The following MAF variants were observed in gnomAD, a reference collection of about 807,000 sequenced individuals.
MAF encodes the protein MAF bZIP transcription factor.
MAF carries 10 observed loss-of-function variants against 22.0 expected under a neutral mutation model. The ratio of observed to expected loss-of-function variants is 0.45; its 90% CI spans 0.28 to 0.77. The LOEUF (loss-of-function observed/expected upper bound fraction) is 0.77. Ranked by LOEUF, MAF falls within the 30% of genes least tolerant of loss-of-function variation. The pLI, the probability that MAF is intolerant of heterozygous loss-of-function variation, is 0.12. For missense variants in MAF, 544 were observed against 548.4 expected, an observed-to-expected ratio of 0.99 and a Z score of 0.08; for synonymous variants, 337 against 255.8, an observed-to-expected ratio of 1.32 and a Z score of -3.03.
downstream of MAF, among the ~76,000 whole-genome samples, chr16:79,591,698 C>T (rs1597838457): frequency 6.6e-6 from 1 of 152,166 alleles, no homozygotes; most frequent in East Asian, 1.9e-4. Flanking sequence ...CCCATCTCAG[C>T]CTTTTTCCTT....
the MAF span, among the ~76,000 whole-genome samples, chr16:79,222,776 G>C: frequency 2.0e-5 from 3 of 152,054 alleles, no homozygotes; most frequent in Non-Finnish European, 4.4e-5. Flanking sequence ...AGACAAAGAA[G>C]GGCATTACAT....
At chr16:79,240,948 G>T in the MAF span, among the ~76,000 whole-genome samples, 1 of 152,016 alleles carries the variant, frequency 6.6e-6, no homozygotes, top group Non-Finnish European at 1.5e-5. Context: ...ACCTGGAGGG[G>T]CCTTACCGAT....
chr16:79,313,663 C>T, the MAF span, among the ~76,000 whole-genome samples: 11 of 152,148 alleles, frequency 7.2e-5, no homozygotes, highest in African/African-American at 2.7e-4. Flanking sequence ...CCCCCAAGGC[C>T]TTGGGTGAGG....
At chr16:79,539,359 C>T in the MAF span, among the ~76,000 whole-genome samples, 6 of 152,198 alleles carry the variant, frequency 3.9e-5, no homozygotes, top group Admixed American at 2.6e-4. Flanking sequence ...AGAAATTGGC[C>T]GGGCTTGGTG....
the MAF span, among the ~76,000 whole-genome samples, chr16:79,214,202 T>A: frequency 6.6e-6 from 1 of 152,154 alleles, no homozygotes; most frequent in Non-Finnish European, 1.5e-5. Flanking sequence ...TTGTACACAT[T>A]ATGTGTCTAT....
the MAF span, among the ~76,000 whole-genome samples, chr16:79,469,989 A>G: frequency 6.6e-6 from 1 of 152,234 alleles, no homozygotes; most frequent in Non-Finnish European, 1.5e-5. Flanking sequence ...TAGAAAAGTG[A>G]ATAAGGATGG....
At chr16:79,253,764 C>A in the MAF span, among the ~76,000 whole-genome samples, 1 of 152,138 alleles carries the variant, frequency 6.6e-6, no homozygotes, top group Non-Finnish European at 1.5e-5. Flanking sequence ...AGCTCCTTCC[C>A]GTCTGCGAGG....
the MAF span, among the ~76,000 whole-genome samples, chr16:79,219,380 C>G: frequency 3.6e-4 from 54 of 152,050 alleles, no homozygotes; most frequent in South Asian, 0.011. Flanking sequence ...TCATTTAAGA[C>G]TCACAGCTTT....
the MAF span, among the ~76,000 whole-genome samples, chr16:79,229,035 G>C: frequency 3.3e-5 from 5 of 151,756 alleles, no homozygotes; most frequent in Non-Finnish European, 1.5e-5. Context: ...CAGCACAGTA[G>C]AAAAAGCCCA....
chr16:79,234,861 G>T, the MAF span, among the ~76,000 whole-genome samples: 4 of 152,088 alleles, frequency 2.6e-5, no homozygotes, highest in Non-Finnish European at 5.9e-5. Context: ...TTTGCAGTGG[G>T]ATAGGAGCAG....
the MAF span, among the ~76,000 whole-genome samples, chr16:79,547,910 G>GAC: frequency 2.8e-3 from 368 of 132,764 alleles, 1 homozygote; most frequent in African/African-American, 8.7e-3. Flanking sequence ...GTGAGAGAGA[G>GAC]AGAGAGAGAT....
the MAF span, among the ~76,000 whole-genome samples, chr16:79,226,901 C>G: frequency 6.6e-5 from 10 of 152,016 alleles, no homozygotes; most frequent in Admixed American, 2.0e-4. Context: ...GTCATGGAGC[C>G]TCCAGAAAGT....
At chr16:79,300,926 T>G in the MAF span, among the ~76,000 whole-genome samples, 2 of 151,862 alleles carry the variant, frequency 1.3e-5, no homozygotes, top group Admixed American at 1.3e-4. Context: ...GTGTGTGGGT[T>G]TTCGATCAAC....
the MAF span, among the ~76,000 whole-genome samples, chr16:79,367,932 G>C: frequency 1.1e-4 from 17 of 152,322 alleles, no homozygotes; most frequent in East Asian, 3.1e-3. Context: ...GCTTTCCAAA[G>C]AGAAAATAAA....
At chr16:79,366,644 G>C in the MAF span, among the ~76,000 whole-genome samples, 2 of 152,190 alleles carry the variant, frequency 1.3e-5, no homozygotes, top group Non-Finnish European at 2.9e-5. Flanking sequence ...GAAGTTTTGA[G>C]AGTCAGCATG....
chr16:79,491,260 C>T, the MAF span, among the ~76,000 whole-genome samples: 1 of 152,260 alleles, frequency 6.6e-6, no homozygotes, highest in South Asian at 2.1e-4. Context: ...GGGCAAACAC[C>T]AACCTGAGTG....
the MAF span, among the ~76,000 whole-genome samples, chr16:79,451,733 A>G: frequency 6.6e-6 from 1 of 152,244 alleles, no homozygotes; most frequent in Admixed American, 6.5e-5. Flanking sequence ...AGGAGGAAAT[A>G]AAGCAAAAAG....
At chr16:79,449,091 T>C in the MAF span, among the ~76,000 whole-genome samples, 88 of 152,148 alleles carry the variant, frequency 5.8e-4, no homozygotes, top group Non-Finnish European at 1.1e-3. Flanking sequence ...CATTAGATCC[T>C]CATAAGGAGC....
At chr16:79,340,379 G>A in the MAF span, among the ~76,000 whole-genome samples, 56 of 151,168 alleles carry the variant, frequency 3.7e-4, no homozygotes, top group Non-Finnish European at 1.5e-5. Context: ...GGCTTTTAAA[G>A]CACCTACTTT....
Sources: gnomAD v4.1 joint callset for allele counts (sites outside exome capture counted in the v4.1 genomes callset) on GRCh38, gnomAD v4.1.1 for gene constraint, MANE v1.5 for transcripts, NCBI Gene and HGNC (gene_info 2026-07-23, HGNC 2026-07-21) for gene names.